The following MTFR2 variants were observed in gnomAD, a reference collection of about 807,000 sequenced individuals.
MTFR2 encodes the protein DUF729 domain-containing protein 1.
MTFR2 carries 44 observed loss-of-function variants against 41.2 expected under a neutral mutation model. The observed-to-expected ratio is 1.07, with a 90% CI of 0.84 to 1.37. The LOEUF (loss-of-function observed/expected upper bound fraction) is 1.37. Among genes scored for constraint, MTFR2 ranks in the 40% most tolerant of loss-of-function variants. The pLI is 0.00. For synonymous variants in MTFR2, 141 were observed against 154.6 expected, an observed-to-expected ratio of 0.91 and a Z score of 0.65; for missense variants, 452 against 459.5, an observed-to-expected ratio of 0.98 and a Z score of 0.15.
intron 6 of MTFR2, 136 bp from the exon 7 acceptor site, chr6:136,233,635 C>A: frequency 1.4e-6 from 1 of 704,800 alleles, no homozygotes; most frequent in Non-Finnish European, 2.1e-6. Context: ...ATCTAATCTT[C>A]AAGAAATTTT....
rs1433186518 is a variant in MTFR2 at position 136,241,754 on chromosome 6, G to A, written c.282-78C>T. The A allele has an allele frequency of 4.9e-5, 53 of 1,089,750 alleles. No homozygotes were observed. In the South Asian group the frequency reaches 6.2e-4, roughly 13 times the overall value. 67.5% of individuals were successfully genotyped at this position (1,089,750 alleles called of 1,614,324 possible). On this transcript the variant is annotated intron_variant, in intron 4 of 7. Coordinates refer to ENST00000420702, the MANE Select transcript of MTFR2 (RefSeq NM_001099286.3). The stretch of plus-strand genomic sequence containing the variant: ...GAGGTATAAACTCTTACACTCCTAC[G>A]TGAAAATCAAAAGACAATAAAACAA...
intron 5 of MTFR2, 123 bp from the exon 6 acceptor site, chr6:136,239,943 A>T (rs578211945): frequency 1.4e-6 from 1 of 723,944 alleles, no homozygotes; most frequent in Admixed American, 3.1e-5. Flanking sequence ...ATATGGTAGC[A>T]AGGAAAGAGT....
chr6:136,246,970 T>G (rs1016022667), intron 2 of MTFR2, among the ~76,000 whole-genome samples: 1 of 152,222 alleles, frequency 6.6e-6, no homozygotes, highest in Non-Finnish European at 1.5e-5. Context: ...TACCTGCAAG[T>G]GACCTTGTCT....
Position 136,240,887 on chromosome 6 carries a change from C to T in MTFR2, c.514+557G>A, listed in dbSNP as rs56236905. Among the ~76,000 whole-genome samples the T allele has an allele frequency of 8.4e-3, 1,283 of 152,194 alleles. 13 individuals are homozygous for T. Among genetic ancestry groups the T allele is most frequent in the African/African-American group, 0.026 (1,097 of 41,532 alleles). ...CGGGCAGATCACGAGGTCAGGAGAT[C>T]GAGACCATCCTGGCTAACACGGTGA... On this transcript the variant is annotated intron_variant, in intron 5 of 7. Transcript: ENST00000420702.
At chr6:136,240,867 A>G (rs12526395) in intron 5 of MTFR2, among the ~76,000 whole-genome samples, 45,855 of 150,822 alleles carry the variant, frequency 0.3, 7,037 homozygotes, top group Non-Finnish European at 0.35. Flanking sequence ...CAAGGCGGGC[A>G]GATCACGAGG....
intron 6 of MTFR2, 64 bp downstream of exon 6, chr6:136,239,402 A>C: frequency 1.6e-6 from 2 of 1,233,438 alleles, no homozygotes; most frequent in Non-Finnish European, 2.3e-6. Flanking sequence ...TCATAAACAT[A>C]ATAATTTTTC....
At chr6:136,231,944 T>C (rs1779770793) in intron 7 of MTFR2, among the ~76,000 whole-genome samples, 1 of 152,130 alleles carries the variant, frequency 6.6e-6, no homozygotes, top group Admixed American at 6.6e-5. Context: ...CAGGGATCAT[T>C]TCCCTCACAT....
intron 7 of MTFR2, among the ~76,000 whole-genome samples, chr6:136,232,146 T>C (rs1457431978): frequency 6.6e-6 from 1 of 152,238 alleles, no homozygotes; most frequent in Non-Finnish European, 1.5e-5. Flanking sequence ...GTCAACATGC[T>C]AAACATCAGA....
At chr6:136,242,748 C>T (rs376331823) in intron 4 of MTFR2, 113 bp downstream of exon 4, 4 of 723,510 alleles carry the variant, frequency 5.5e-6, no homozygotes, top group African/African-American at 5.4e-5. Context: ...CAGTAGGGCA[C>T]AGCACAGTTT....
intron 7 of MTFR2, among the ~76,000 whole-genome samples, chr6:136,231,663 A>C (rs1779759638): frequency 6.9e-6 from 1 of 144,106 alleles, no homozygotes; most frequent in Non-Finnish European, 1.5e-5. Flanking sequence ...AGTGCTAAAA[A>C]CTATGTAAAA....
At chr6:136,240,635 A>G (rs1442479316) in intron 5 of MTFR2, among the ~76,000 whole-genome samples, 1 of 152,172 alleles carries the variant, frequency 6.6e-6, no homozygotes, top group Non-Finnish European at 1.5e-5. Flanking sequence ...ATCTCTATAA[A>G]TTTATAAAAC....
rs555362367 is a variant in MTFR2, at chr6:136,234,370, A to G, written c.870-871T>C. ...GGGAAATGTAATAGTGATTAGGGACAGAAGCACTTTAGATATGATCAGAAA... is the reference window on the plus strand; with the variant it reads ...GGGAAATGTAATAGTGATTAGGGACGGAAGCACTTTAGATATGATCAGAAA... On this transcript the variant is annotated intron_variant, in intron 6 of 7. Transcript: ENST00000420702. Among the ~76,000 whole-genome samples, 4 of 152,134 alleles carry G rather than the reference A, an allele frequency of 2.6e-5. No individual in the cohort carries two copies. The South Asian group carries it at 8.3e-4, about 32-fold the overall frequency.
At chr6:136,246,329 G>C (rs1417365063) in intron 2 of MTFR2, among the ~76,000 whole-genome samples, 1 of 151,634 alleles carries the variant, frequency 6.6e-6, no homozygotes, top group Non-Finnish European at 1.5e-5. Context: ...TGTCACCCAG[G>C]CTGGAGTGCA....
At chr6:136,235,372 A>T (rs763938748) in intron 6 of MTFR2, among the ~76,000 whole-genome samples, 24 of 152,230 alleles carry the variant, frequency 1.6e-4, no homozygotes, top group Non-Finnish European at 2.9e-4. Context: ...TAGGCATTTC[A>T]GTATGTGCAT....
At chr6:136,231,417 A>T (rs369891404) in intron 7 of MTFR2, 29 bp from the exon 8 acceptor site, 23 of 1,386,248 alleles carry the variant, frequency 1.7e-5, no homozygotes, top group Non-Finnish European at 2.3e-5. Context: ...TTAACACAGA[A>T]ATTATTCTAA....
intron 2 of MTFR2, among the ~76,000 whole-genome samples, chr6:136,245,728 A>C (rs1186375029): frequency 6.6e-6 from 1 of 152,168 alleles, no homozygotes; most frequent in Non-Finnish European, 1.5e-5. Flanking sequence ...GTCAGGTGTA[A>C]AATTTTCCCA....
chr6:136,236,135 A>T (rs746671806), intron 6 of MTFR2, among the ~76,000 whole-genome samples: 8 of 152,216 alleles, frequency 5.3e-5, no homozygotes, highest in African/African-American at 1.2e-4. Flanking sequence ...TCAAGAATTC[A>T]TATCAGAAAG....
Sources: allele counts gnomAD v4.1 joint callset (sites outside exome capture counted in the v4.1 genomes callset), GRCh38; gene constraint gnomAD v4.1.1; transcripts MANE v1.5; gene names NCBI Gene and HGNC (gene_info 2026-07-23, HGNC 2026-07-21).